Variants in MYO9A observed in about 807,000 individuals in gnomAD.
MYO9A encodes the protein myosin IXA.
In MYO9A, 103 loss-of-function variants were observed where a neutral mutation model predicts 293.3. The observed-to-expected ratio is 0.35, with a 90% CI of 0.30 to 0.41. The LOEUF is 0.41. MYO9A is among the 10% of genes least tolerant of loss of function. MYO9A has a pLI of 1.00. For missense variants in MYO9A, 2,685 were observed against 3,033.0 expected (o/e 0.89, Z 2.69); for synonymous variants, 1,001 against 1,035.7 (o/e 0.97, Z 0.64).
chr15:71,956,700 A>T (rs1161165519), intron 14 of MYO9A, among the ~76,000 whole-genome samples: 1 of 150,566 alleles, frequency 6.6e-6, no homozygotes, highest in East Asian at 1.9e-4. Context: ...ATATACACGT[A>T]GCATATGTGT....
intron 9 of MYO9A, among the ~76,000 whole-genome samples, chr15:71,998,792 T>C (rs941144008): frequency 2.0e-5 from 3 of 152,014 alleles, no homozygotes; most frequent in African/African-American, 4.8e-5. Flanking sequence ...TGTGTTCTCA[T>C]TGTTCAATTC....
chr15:71,903,504 G>A (rs1427574240), intron 21 of MYO9A, among the ~76,000 whole-genome samples: 3 of 152,210 alleles, frequency 2.0e-5, no homozygotes, highest in African/African-American at 7.2e-5. Context: ...ACCCATAGCA[G>A]CAATTGCTGA....
At chr15:72,002,057 C>T (rs12595464) in intron 8 of MYO9A, among the ~76,000 whole-genome samples, 30,058 of 151,882 alleles carry the variant, frequency 0.2, 3,245 homozygotes, top group East Asian at 0.41. Context: ...GAGTTAAAGA[C>T]CAGGTTGGAC....
chr15:72,021,919 T>C (rs141263053), intron 4 of MYO9A, among the ~76,000 whole-genome samples: 274 of 152,206 alleles, frequency 1.8e-3, no homozygotes, highest in African/African-American at 5.7e-3. Flanking sequence ...AAGGCTAAGG[T>C]AGATTTGTGA....
intron 34 of MYO9A, 22 bp downstream of exon 34, chr15:71,859,713 C>G: frequency 6.3e-7 from 1 of 1,591,828 alleles, no homozygotes; most frequent in Non-Finnish European, 8.6e-7. Context: ...TTATCTATTA[C>G]TGATAGGTGA....
Position 71,965,284 on chromosome 15 carries a change from T to C in MYO9A, c.1986+2700A>G, listed in dbSNP as rs2075844130. ...GCTATTTGTATTGATTTTGTGTTGCTTGTTCTGTTAGTTACTAACAGAAAT... is the reference window on the plus strand; with the variant it reads ...GCTATTTGTATTGATTTTGTGTTGCCTGTTCTGTTAGTTACTAACAGAAAT... On this transcript the variant is annotated intron_variant, in intron 13 of 41. Coordinates refer to ENST00000356056, the MANE Select transcript of MYO9A (RefSeq NM_006901.4). Among the ~76,000 whole-genome samples, 4 of 152,250 alleles carry C rather than the reference T, an allele frequency of 2.6e-5. No individual in the cohort carries two copies. The South Asian group carries it at 8.3e-4, about 32-fold the overall frequency.
chr15:71,833,274 G>C (rs1034152016), intron 39 of MYO9A, among the ~76,000 whole-genome samples: 9 of 151,838 alleles, frequency 5.9e-5, no homozygotes, highest in East Asian at 1.9e-4. Flanking sequence ...CAGAAAGGCT[G>C]AGAGTAAAGA....
At chr15:71,923,309 A>G (rs1018064534) in intron 18 of MYO9A, among the ~76,000 whole-genome samples, 16 of 152,282 alleles carry the variant, frequency 1.1e-4, no homozygotes, top group African/African-American at 2.9e-4. Context: ...TCCATGTTCA[A>G]TCAGAGACAC....
At position 71,823,033 on chromosome 15, in the gene MYO9A, T is replaced by C. The variant is rs2054332806; in HGVS notation, c.*3547A>G. The C allele has an allele frequency of 3.3e-5, 5 of 152,226 alleles. No homozygotes were observed. The South Asian group carries it at 1.0e-3, about 32-fold the overall frequency. 9.4% of individuals were successfully genotyped at this position (152,226 alleles called of 1,614,324 possible). A position where few individuals can be genotyped will look rare whatever the true frequency, so the allele number is the denominator to read the frequency against. The stretch of plus-strand genomic sequence containing the variant: ...GTGCTGGGGAGTTGTCACAAGAGTA[T>C]GGGTGGACATAACACATTTGTCCAT... On this transcript the variant is annotated 3_prime_UTR_variant, in exon 42 of 42. Transcript: ENST00000356056.
rs182300226 is a variant in MYO9A, at chr15:71,963,732, G to A, written c.1987-3636C>T. 2.6e-4 allele frequency among the ~76,000 whole-genome samples: 40 copies of A among 152,310 alleles called. No individual in the cohort carries two copies. The East Asian group carries it at 3.5e-3, about 13-fold the overall frequency. On this transcript the variant is annotated intron_variant, in intron 13 of 41. Coordinates refer to ENST00000356056, the MANE Select transcript of MYO9A (RefSeq NM_006901.4). ...CTCCCAAAGTGCTGGGATTACAGGC[G>A]TGAAGTTATGACTTTAAATTAACAC...
At chr15:72,040,283 C>T (rs1194059650) in intron 2 of MYO9A, 1 of 152,206 alleles carries the variant, frequency 6.6e-6, no homozygotes, top group Non-Finnish European at 1.5e-5. Context: ...TCTAATGGCA[C>T]TTAGATGCAC....
At chr15:72,053,205 G>C (rs2078621008) in intron 1 of MYO9A, among the ~76,000 whole-genome samples, 1 of 152,032 alleles carries the variant, frequency 6.6e-6, no homozygotes. Flanking sequence ...ATCGAGACCA[G>C]CCTGGCCAAC....
intron 33 of MYO9A, among the ~76,000 whole-genome samples, chr15:71,860,435 G>C (rs1567205405): frequency 6.6e-6 from 1 of 152,182 alleles, no homozygotes; most frequent in Non-Finnish European, 1.5e-5. Context: ...GAGTAGCTGG[G>C]CAGCTGGTGA....
intron 1 of MYO9A, among the ~76,000 whole-genome samples, chr15:72,069,507 T>G (rs1263510763): frequency 6.6e-6 from 1 of 152,034 alleles, no homozygotes; most frequent in Non-Finnish European, 1.5e-5. Context: ...TTACAGAGGG[T>G]TATACTTCAC....
chr15:71,971,391 C>A (rs181247180), intron 12 of MYO9A, among the ~76,000 whole-genome samples: 32 of 151,766 alleles, frequency 2.1e-4, no homozygotes, highest in Non-Finnish European at 2.5e-4. Context: ...TTGAGACCAG[C>A]CTGGGCAACA....
chr15:72,004,184 A>T (rs1278946377), intron 8 of MYO9A, among the ~76,000 whole-genome samples: 1 of 152,272 alleles, frequency 6.6e-6, no homozygotes, highest in Non-Finnish European at 1.5e-5. Flanking sequence ...CTATTAATAC[A>T]GAACAAGTAG....
chr15:72,074,733 C>T (rs1343435055), intron 1 of MYO9A, among the ~76,000 whole-genome samples: 2 of 152,064 alleles, frequency 1.3e-5, no homozygotes, highest in African/African-American at 2.4e-5. Context: ...GAGAGATCCC[C>T]GGAACTTAGC....
intron 15 of MYO9A, among the ~76,000 whole-genome samples, chr15:71,944,140 ATCT>A (rs1489319745): frequency 6.6e-6 from 1 of 152,102 alleles, no homozygotes; most frequent in East Asian, 1.9e-4. Flanking sequence ...ACACAGATAA[ATCT>A]TCTTTTGTGG....
rs558830028 is a variant in MYO9A at position 72,089,772 on chromosome 15, C to A, written c.-72+27908G>T. 5.3e-5 allele frequency among the ~76,000 whole-genome samples: 8 copies of A among 152,216 alleles called. No individual in the cohort carries two copies. In the South Asian group the frequency reaches 1.2e-3, roughly 24 times the overall value. On this transcript the variant is annotated intron_variant, in intron 1 of 41. Transcript: ENST00000356056. ...CTCTAGCTTGGACAACAGTGTGAGA[C>A]CCTCCTCAAAAACAAAAGCAAAAAA...
Sources: gnomAD v4.1 joint callset for allele counts (sites outside exome capture counted in the v4.1 genomes callset) on GRCh38, gnomAD v4.1.1 for gene constraint, MANE v1.5 for transcripts, NCBI Gene and HGNC (gene_info 2026-07-23, HGNC 2026-07-21) for gene names.